The following DYM variants were observed in gnomAD, a reference collection of about 807,000 sequenced individuals.
DYM encodes dyggve-Melchior-Clausen syndrome protein.
In DYM, 78 loss-of-function variants were observed where a neutral mutation model predicts 93.1. The ratio of observed to expected loss-of-function variants is 0.84; its 90% CI spans 0.70 to 1.01. DYM has a LOEUF of 1.01. Ranked by LOEUF, DYM falls within the 50% of genes least tolerant of loss-of-function variation. The pLI, the probability that DYM is intolerant of heterozygous loss-of-function variation, is 0.00. For synonymous variants in DYM, 321 were observed against 319.7 expected (o/e 1.00, Z -0.04); for missense variants, 789 against 845.0 (o/e 0.93, Z 0.82).
intron 14 of DYM, among the ~76,000 whole-genome samples, chr18:49,171,026 A>C (rs1348840156): frequency 1.3e-5 from 2 of 152,130 alleles, no homozygotes; most frequent in Admixed American, 6.5e-5. Flanking sequence ...ACAACAACAA[A>C]AAAACAAAAA....
chr18:49,205,992 GT>G (rs371594165), intron 14 of DYM: 44 of 56,174 alleles, frequency 7.8e-4, no homozygotes, highest in East Asian at 1.9e-3. Context: ...CTAAGGTAGA[GT>G]TTTTTTTTTG....
intron 5 of DYM, 94 bp downstream of exon 5, chr18:49,378,473 A>C (rs1217140697): frequency 8.3e-7 from 1 of 1,204,842 alleles, no homozygotes; most frequent in African/African-American, 1.5e-5. Context: ...TATAAGGATA[A>C]CTGGAATTTT....
intron 8 of DYM, among the ~76,000 whole-genome samples, chr18:49,293,544 T>C (rs1484311183): frequency 1.3e-5 from 2 of 152,230 alleles, no homozygotes; most frequent in African/African-American, 4.8e-5. Context: ...TGGTATCTCA[T>C]TGTGGTTTTG....
intron 15 of DYM, among the ~76,000 whole-genome samples, chr18:49,145,125 AT>A (rs1568490392): frequency 1.0e-4 from 12 of 114,528 alleles, no homozygotes; most frequent in Non-Finnish European, 1.8e-4. Flanking sequence ...ATATATATAT[AT>A]ATATATATAA....
chr18:49,122,752 G>C (rs574629685), intron 15 of DYM, among the ~76,000 whole-genome samples: 1 of 152,270 alleles, frequency 6.6e-6, no homozygotes, highest in African/African-American at 2.4e-5. Flanking sequence ...AAAGGCTGGG[G>C]ACCGCTGCTT....
chr18:49,339,636 C>A (rs1190919288), intron 6 of DYM, among the ~76,000 whole-genome samples: 2 of 152,188 alleles, frequency 1.3e-5, no homozygotes, highest in Non-Finnish European at 2.9e-5. Context: ...AAGGCGTCCC[C>A]CAGCTGAGGC....
intron 2 of DYM, among the ~76,000 whole-genome samples, chr18:49,426,337 A>C (rs1317915096): frequency 2.9e-5 from 4 of 140,042 alleles, no homozygotes; most frequent in African/African-American, 1.1e-4. Context: ...ATAGGTGGGA[A>C]TTGAACAATG....
intron 2 of DYM, among the ~76,000 whole-genome samples, chr18:49,403,115 ATATT>A (rs146952575): frequency 8.1e-4 from 123 of 152,226 alleles, no homozygotes; most frequent in African/African-American, 2.6e-3. Context: ...GAACTGTCAA[ATATT>A]TATTTATTTA....
intron 15 of DYM, among the ~76,000 whole-genome samples, chr18:49,131,794 A>G (rs2083402380): frequency 6.6e-6 from 1 of 152,220 alleles, no homozygotes; most frequent in African/African-American, 2.4e-5. Flanking sequence ...TTAAGACTTT[A>G]GAGCTAACTT....
chr18:49,114,821 T>C (rs892014379), intron 16 of DYM, among the ~76,000 whole-genome samples: 1 of 152,150 alleles, frequency 6.6e-6, no homozygotes, highest in Admixed American at 6.5e-5. Flanking sequence ...GCCTGGTTAC[T>C]AAGAACGTTC....
intron 1 of DYM, among the ~76,000 whole-genome samples, chr18:49,430,663 G>A (rs2074727150): frequency 6.6e-6 from 1 of 152,118 alleles, no homozygotes; most frequent in Non-Finnish European, 1.5e-5. Flanking sequence ...GAGGCGGGCA[G>A]ATCATGAGGT....
intron 5 of DYM, among the ~76,000 whole-genome samples, chr18:49,368,401 GATTACAAGTCTTATAT>G (rs1210016202): frequency 6.6e-6 from 1 of 152,144 alleles, no homozygotes; most frequent in Non-Finnish European, 1.5e-5. Context: ...TGCAGATACA[GATTACAAGTCTTATAT>G]ATTACAAGTC....
intron 8 of DYM, among the ~76,000 whole-genome samples, chr18:49,286,988 C>A (rs1380964943): frequency 6.6e-6 from 1 of 152,072 alleles, no homozygotes; most frequent in African/African-American, 2.4e-5. Flanking sequence ...GTCAGGACTT[C>A]GAGACCAGCC....
chr18:49,082,183 C>T (rs533596292), intron 17 of DYM, among the ~76,000 whole-genome samples: 1 of 152,360 alleles, frequency 6.6e-6, no homozygotes, highest in South Asian at 2.1e-4. Flanking sequence ...GAGGTGCTTG[C>T]CACCATGCCA....
Position 49,106,959 on chromosome 18 carries a change from C to T in DYM, c.1912-9444G>A, listed in dbSNP as rs535297810. On this transcript the variant is annotated intron_variant, in intron 16 of 17. Transcript: ENST00000675505. Reference sequence around the variant, plus strand: ...TGAATTTGAATGTTGGCCTGCCTTGCTAGATTGGGGAAGTTCTCCTGGATA... The same window carrying T: ...TGAATTTGAATGTTGGCCTGCCTTGTTAGATTGGGGAAGTTCTCCTGGATA... 2.3e-4 allele frequency among the ~76,000 whole-genome samples: 35 copies of T among 152,284 alleles called. 1 individual carries two copies. In the East Asian group the frequency reaches 6.2e-3, roughly 27 times the overall value.
At chr18:49,221,882 T>C (rs1306881857) in intron 13 of DYM, among the ~76,000 whole-genome samples, 1 of 151,976 alleles carries the variant, frequency 6.6e-6, no homozygotes, top group African/African-American at 2.4e-5. Context: ...ATTGTGCACA[T>C]GTACCCTAAA....
chr18:49,246,293 C>CT (rs1417688632), intron 13 of DYM, among the ~76,000 whole-genome samples: 7 of 152,180 alleles, frequency 4.6e-5, no homozygotes, highest in Non-Finnish European at 8.8e-5. Flanking sequence ...CACTTTAAAT[C>CT]TTTTTACCTT....
At position 49,258,406 on chromosome 18, in the gene DYM, T is replaced by C. The variant is rs201160136; in HGVS notation, c.1339A>G (p.Ile447Val). ...SLLILVVIRT[I>V]QYNMTRTRDK... ...CGTGTCCTAGTCATGTTGTATTGAA[T>C]GGTTCTTATTACCACCAGGATCAGG... The change falls in exon 12 of 18, where the codon ATT becomes GTT. Residue 447 changes from isoleucine (I) to valine (V), a missense_variant. Physicochemically the swap from Ile to Val is conservative, Grantham distance 29 (BLOSUM62 3). Transcript: ENST00000675505. 3 of 1,611,960 alleles carry C rather than the reference T, an allele frequency of 1.9e-6. No individual in the cohort carries two copies. Among genetic ancestry groups the C allele is most frequent in the Non-Finnish European group, 2.5e-6 (3 of 1,178,154 alleles).
intron 17 of DYM, among the ~76,000 whole-genome samples, chr18:49,096,263 G>C (rs1055315969): frequency 6.6e-6 from 1 of 152,148 alleles, no homozygotes; most frequent in African/African-American, 2.4e-5. Context: ...GCACAGTACC[G>C]TGTGAATCTC....
Sources: gnomAD v4.1 joint callset for allele counts (sites outside exome capture counted in the v4.1 genomes callset) on GRCh38, gnomAD v4.1.1 for gene constraint, MANE v1.5 for transcripts, NCBI Gene and HGNC (gene_info 2026-07-23, HGNC 2026-07-21) for gene names.